Variants in TBC1D4 observed in about 807,000 individuals in gnomAD.
TBC1D4 encodes TBC1 domain family member 4, also known as TBC (Tre-2, BUB2, CDC16) domain-containing protein.
In TBC1D4, 121 loss-of-function variants were observed where a neutral mutation model predicts 142.5. That is an observed-to-expected ratio of 0.85 (90% CI 0.73 to 0.99). TBC1D4 has a LOEUF of 0.99. TBC1D4 is among the 50% of genes least tolerant of loss of function. TBC1D4 has a pLI of 0.00. For missense variants in TBC1D4, 1,475 were observed against 1,606.6 expected, an observed-to-expected ratio of 0.92 and a Z score of 1.40; for synonymous variants, 630 against 628.2, an observed-to-expected ratio of 1.00 and a Z score of -0.04.
chr13:75,410,225 A>T (rs1407656778), intron 1 of TBC1D4, among the ~76,000 whole-genome samples: 1 of 152,158 alleles, frequency 6.6e-6, no homozygotes, highest in Non-Finnish European at 1.5e-5. Context: ...CCTATATTAC[A>T]GCCATCCCCC....
At chr13:75,448,078 C>T (rs1887367823) in intron 1 of TBC1D4, among the ~76,000 whole-genome samples, 1 of 152,170 alleles carries the variant, frequency 6.6e-6, no homozygotes, top group South Asian at 2.1e-4. Flanking sequence ...AATTATCTTC[C>T]ATGAAACCTC....
chr13:75,431,469 T>C (rs923343380), intron 1 of TBC1D4, among the ~76,000 whole-genome samples: 1 of 152,214 alleles, frequency 6.6e-6, no homozygotes, highest in Non-Finnish European at 1.5e-5. Flanking sequence ...TTCACATCTA[T>C]AAAATTCAGA....
intron 1 of TBC1D4, among the ~76,000 whole-genome samples, chr13:75,443,518 T>C (rs1208372302): frequency 2.0e-5 from 3 of 152,186 alleles, no homozygotes; most frequent in Non-Finnish European, 4.4e-5. Context: ...ATAAAACACC[T>C]ATCAAACACT....
chr13:75,292,172 T>C lies in TBC1D4; in HGVS notation c.3416A>G (p.Asn1139Ser), dbSNP rs1448894389. 1 of 1,613,334 alleles carries C rather than the reference T, an allele frequency of 6.2e-7. No individual in the cohort carries two copies. Among genetic ancestry groups the C allele is most frequent in the African/African-American group, 1.3e-5 (1 of 74,894 alleles). Reference protein sequence around the residue: ...TLIMECESFENIVEFLKNTLP... With the variant: ...TLIMECESFESIVEFLKNTLP... ...CGTGTTTTTAAGAAACTCAACAATA[T>C]TTTCAAAGCTCTCACATTCCATTAT... is the stretch of plus-strand genomic sequence containing the variant. The change falls in exon 19 of 21, where the codon AAT becomes AGT. Residue 1139 changes from asparagine to serine, a missense_variant. Physicochemically the swap from Asn to Ser is conservative, Grantham distance 46. Transcript: ENST00000377636.
At chr13:75,294,229 C>T (rs1324924699) in intron 18 of TBC1D4, among the ~76,000 whole-genome samples, 4 of 152,154 alleles carry the variant, frequency 2.6e-5, no homozygotes, top group African/African-American at 9.7e-5. Flanking sequence ...ATTCCCAATG[C>T]CAAACACTGT....
At position 75,326,188 on chromosome 13, in the gene TBC1D4, C is replaced by T. The variant is rs1001474359; in HGVS notation, c.2033+9G>A. The T allele has an allele frequency of 5.6e-6, 9 of 1,613,862 alleles. No homozygotes were observed. The African/African-American group carries it at 1.2e-4, about 22-fold the overall frequency. On this transcript the variant is annotated intron_variant, in intron 10 of 20. Transcript: ENST00000377636. ...ATCTAGGTCTCATTCTGGAGAGGGT[C>T]AGACTCACCTGCACTGTTCACTGGA... is the stretch of plus-strand genomic sequence containing the variant.
At chr13:75,291,752 C>G (rs989737299) in intron 19 of TBC1D4, among the ~76,000 whole-genome samples, 2 of 152,184 alleles carry the variant, frequency 1.3e-5, no homozygotes, top group Non-Finnish European at 2.9e-5. Context: ...GTACTCCTGC[C>G]ACGTGTCCTC....
intron 1 of TBC1D4, among the ~76,000 whole-genome samples, chr13:75,465,818 A>G (rs1480862883): frequency 1.3e-5 from 2 of 152,016 alleles, no homozygotes; most frequent in African/African-American, 4.8e-5. Context: ...GCATGATACA[A>G]CCTCGGTCTC....
chr13:75,332,374 A>G (rs1193408234), intron 8 of TBC1D4, among the ~76,000 whole-genome samples: 1 of 152,280 alleles, frequency 6.6e-6, no homozygotes, highest in Non-Finnish European at 1.5e-5. Flanking sequence ...TTCATCCAAG[A>G]TCATAAATAT....
At chr13:75,420,815 C>T (rs554037503) in intron 1 of TBC1D4, among the ~76,000 whole-genome samples, 2 of 151,994 alleles carry the variant, frequency 1.3e-5, no homozygotes, top group African/African-American at 4.8e-5. Flanking sequence ...AATATTAAAG[C>T]AGGAAATCAT....
chr13:75,430,125 G>T (rs371612961), intron 1 of TBC1D4, among the ~76,000 whole-genome samples: 6 of 152,256 alleles, frequency 3.9e-5, no homozygotes, highest in African/African-American at 1.4e-4. Context: ...CATGACAGTT[G>T]AGAATATGAG....
chr13:75,309,925 C>T lies in TBC1D4; in HGVS notation c.2593+17G>A. On this transcript the variant is annotated intron_variant, in intron 14 of 20. Transcript: ENST00000377636. ...CAATCATAGCATCATAGCATTTAGT[C>T]TGTTAAAATGGCTAACCTTCAAGTT... is the stretch of plus-strand genomic sequence containing the variant. 6.2e-7 allele frequency: 1 copy of T among 1,613,124 alleles called. No individual in the cohort carries two copies. Among genetic ancestry groups the T allele is most frequent in the East Asian group, 2.2e-5 (1 of 44,882 alleles).
At chr13:75,393,180 C>A (rs1316423683) in intron 1 of TBC1D4, among the ~76,000 whole-genome samples, 2 of 150,364 alleles carry the variant, frequency 1.3e-5, no homozygotes, top group East Asian at 3.9e-4. Context: ...GCTCTTACTA[C>A]TGCATTTGGT....
chr13:75,340,977 T>A, intron 7 of TBC1D4, 148 bp downstream of exon 7: 1 of 701,882 alleles, frequency 1.4e-6, no homozygotes, highest in Non-Finnish European at 2.5e-6. Flanking sequence ...CCTATAAAAC[T>A]ATTAAAATGC....
At chr13:75,289,294 C>T (rs1014425881) in intron 19 of TBC1D4, among the ~76,000 whole-genome samples, 184 bp from the exon 20 acceptor site, 1 of 151,928 alleles carries the variant, frequency 6.6e-6, no homozygotes, top group Non-Finnish European at 1.5e-5. Flanking sequence ...TTTACACTGT[C>T]AACATAAAAA....
intron 5 of TBC1D4, 141 bp downstream of exon 5, chr13:75,349,029 C>T: frequency 8.2e-7 from 1 of 1,222,452 alleles, no homozygotes. Flanking sequence ...AGCCCACTCA[C>T]ATTTGAGTGG....
intron 1 of TBC1D4, among the ~76,000 whole-genome samples, chr13:75,430,443 G>A (rs1398242333): frequency 2.0e-5 from 3 of 152,184 alleles, no homozygotes; most frequent in African/African-American, 7.2e-5. Flanking sequence ...ACCCAAGCAC[G>A]TACTTCAAAA....
intron 1 of TBC1D4, among the ~76,000 whole-genome samples, chr13:75,434,826 A>T (rs1886731176): frequency 6.6e-6 from 1 of 151,714 alleles, no homozygotes; most frequent in Non-Finnish European, 1.5e-5. Context: ...TACTAAGAAG[A>T]GGAAAGTTTA....
intron 2 of TBC1D4, among the ~76,000 whole-genome samples, chr13:75,361,394 T>C (rs60219048): frequency 0.066 from 10,079 of 152,248 alleles, 470 homozygotes; most frequent in African/African-American, 0.13. Flanking sequence ...TTTTTTGTTG[T>C]TGTTGAGATG....
Sources: gnomAD v4.1 joint callset for allele counts (sites outside exome capture counted in the v4.1 genomes callset) on GRCh38, gnomAD v4.1.1 for gene constraint, MANE v1.5 for transcripts, NCBI Gene and HGNC (gene_info 2026-07-23, HGNC 2026-07-21) for gene names.